Variants in SGCZ observed in about 807,000 individuals in gnomAD.
SGCZ encodes sarcoglycan zeta.
In SGCZ, 40 loss-of-function variants were observed where a neutral mutation model predicts 41.3. That is an observed-to-expected ratio of 0.97 (90% CI 0.75 to 1.26). The LOEUF is 1.26. SGCZ is among the 50% of genes most tolerant of loss of function. The pLI is 0.00. For synonymous variants in SGCZ, 206 were observed against 137.5 expected (o/e 1.50, Z -3.49); for missense variants, 552 against 369.8 (o/e 1.49, Z -4.04).
chr8:14,118,678 G>C (rs902973522), intron 5 of SGCZ, among the ~76,000 whole-genome samples: 1 of 151,978 alleles, frequency 6.6e-6, no homozygotes, highest in Non-Finnish European at 1.5e-5. Context: ...TTTCTTCCAG[G>C]GTTTTTATGG....
chr8:14,137,621 T>G lies in SGCZ; in HGVS notation c.547+26959A>C, dbSNP rs189953344. Among the ~76,000 whole-genome samples the G allele has an allele frequency of 4.5e-4, 68 of 151,770 alleles. 1 individual carries two copies. In the East Asian group the frequency reaches 9.9e-3, roughly 22 times the overall value. ...AAATGACATGAAGTGAGAAGAGAAG[T>G]TTAGAGAAAAAAAGAGTAAAAAGAA... On this transcript the variant is annotated intron_variant, in intron 5 of 7. Coordinates refer to ENST00000382080, the MANE Select transcript of SGCZ (RefSeq NM_139167.4).
intron 1 of SGCZ, among the ~76,000 whole-genome samples, chr8:14,708,357 A>G (rs2117616851): frequency 6.6e-6 from 1 of 152,166 alleles, no homozygotes; most frequent in Non-Finnish European, 1.5e-5. Context: ...AAAATATTTT[A>G]CATAAAGAGA....
In SGCZ at chr8:14,087,522, T is replaced by C. The variant is rs1379252870; in HGVS notation, c.*2921A>G. 6.6e-6 allele frequency among the ~76,000 whole-genome samples: 1 copy of C among 151,588 alleles called. No homozygotes were observed. Among genetic ancestry groups the C allele is most frequent in the Non-Finnish European group, 1.5e-5 (1 of 67,714 alleles). On this transcript the variant is annotated 3_prime_UTR_variant, in exon 8 of 8. Coordinates refer to ENST00000382080, the MANE Select transcript of SGCZ (RefSeq NM_139167.4). ...TACACTGAGTATGAAGTTATTAAGA[T>C]ACGGGTAATAAGATAGCTTAGTCGC...
At chr8:14,593,446 G>C (rs1050460007) in intron 1 of SGCZ, among the ~76,000 whole-genome samples, 2 of 151,372 alleles carry the variant, frequency 1.3e-5, no homozygotes, top group Non-Finnish European at 2.9e-5. Context: ...GAATAGATCT[G>C]TTTTAAGTCA....
chr8:14,683,826 G>T (rs781080380), intron 1 of SGCZ, among the ~76,000 whole-genome samples: 15 of 151,964 alleles, frequency 9.9e-5, no homozygotes, highest in Non-Finnish European at 1.9e-4. Flanking sequence ...TTTCTCATTT[G>T]GAGATTAATT....
At chr8:14,664,286 A>C (rs79935799) in intron 1 of SGCZ, among the ~76,000 whole-genome samples, 5,987 of 152,258 alleles carry the variant, frequency 0.039, 140 homozygotes, top group Non-Finnish European at 0.06. Flanking sequence ...AAGCCTGCTG[A>C]ACTGAGCCAA....
intron 2 of SGCZ, among the ~76,000 whole-genome samples, chr8:14,348,388 G>T (rs539272606): frequency 7.2e-5 from 11 of 152,140 alleles, no homozygotes; most frequent in Admixed American, 4.6e-4. Context: ...GGCTTTTCGA[G>T]CAGTGAGCAA....
intron 2 of SGCZ, among the ~76,000 whole-genome samples, chr8:14,332,162 A>G (rs1225261367): frequency 6.6e-6 from 1 of 152,158 alleles, no homozygotes; most frequent in Non-Finnish European, 1.5e-5. Flanking sequence ...ATGACCGTGC[A>G]CAGTGGCTCA....
chr8:14,966,704 G>A (rs1229942987), intron 1 of SGCZ, among the ~76,000 whole-genome samples: 1 of 152,070 alleles, frequency 6.6e-6, no homozygotes, highest in South Asian at 2.1e-4. Context: ...ATATTAATGT[G>A]CACGCACCTG....
At chr8:14,165,661 A>T (rs1804186012) in intron 4 of SGCZ, among the ~76,000 whole-genome samples, 2 of 152,142 alleles carry the variant, frequency 1.3e-5, no homozygotes, top group African/African-American at 4.8e-5. Flanking sequence ...AAAAGCTCTT[A>T]TCAGATAGAA....
intron 2 of SGCZ, among the ~76,000 whole-genome samples, chr8:14,425,246 T>G (rs1394330488): frequency 6.6e-6 from 1 of 152,160 alleles, no homozygotes; most frequent in Non-Finnish European, 1.5e-5. Flanking sequence ...GCTGAGAGTA[T>G]CATCTTCTGT....
chr8:14,509,703 G>T (rs969911147), intron 2 of SGCZ, among the ~76,000 whole-genome samples: 1 of 152,086 alleles, frequency 6.6e-6, no homozygotes, highest in Non-Finnish European at 1.5e-5. Context: ...CTGCTATAAA[G>T]AAATACCTGA....
chr8:14,348,948 T>C (rs1802991008), intron 2 of SGCZ, among the ~76,000 whole-genome samples: 1 of 152,128 alleles, frequency 6.6e-6, no homozygotes, highest in African/African-American at 2.4e-5. Context: ...ACAAAATTTA[T>C]TTACTGGACT....
At position 14,566,834 on chromosome 8, in the gene SGCZ, G is replaced by C. The variant is rs375677956; in HGVS notation, c.40-11908C>G. On this transcript the variant is annotated intron_variant, in intron 1 of 7. Transcript: ENST00000382080. ...GGGGAGGTGTGGAGGGAGAGGCACA[G>C]GCAGGAACCGGGGCTGCACACGGTG... 8.6e-3 allele frequency among the ~76,000 whole-genome samples: 1,315 copies of C among 152,326 alleles called. 12 individuals carry two copies. The highest frequency in any genetic ancestry group is 0.016 in the Admixed American group (244 of 15,312).
At chr8:14,137,974 C>A (rs1156675029) in intron 5 of SGCZ, among the ~76,000 whole-genome samples, 1 of 152,206 alleles carries the variant, frequency 6.6e-6, no homozygotes, top group African/African-American at 2.4e-5. Context: ...AGACTAACAG[C>A]AGACCTCTCA....
At chr8:15,116,227 G>C (rs925499169) in intron 1 of SGCZ, among the ~76,000 whole-genome samples, 2 of 152,070 alleles carry the variant, frequency 1.3e-5, no homozygotes, top group African/African-American at 4.8e-5. Flanking sequence ...AAATAGGAAT[G>C]TAAAACAATC....
At chr8:14,538,369 T>C (rs1222123333) in intron 2 of SGCZ, among the ~76,000 whole-genome samples, 1 of 151,834 alleles carries the variant, frequency 6.6e-6, no homozygotes, top group African/African-American at 2.4e-5. Flanking sequence ...TACAGTCAAG[T>C]GGGAATGAAT....
chr8:15,039,330 A>T (rs1025978159), intron 1 of SGCZ, among the ~76,000 whole-genome samples: 6 of 152,220 alleles, frequency 3.9e-5, no homozygotes, highest in Admixed American at 6.5e-5. Context: ...AACAACATGG[A>T]TGAACCCAGA....
chr8:14,151,306 T>C lies in SGCZ; in HGVS notation c.547+13274A>G, dbSNP rs7846577. Among the ~76,000 whole-genome samples, 949 of 152,176 alleles carry C rather than the reference T, an allele frequency of 6.2e-3. 9 individuals carry two copies. Among genetic ancestry groups the C allele is most frequent in the African/African-American group, 0.02 (830 of 41,546 alleles). On this transcript the variant is annotated intron_variant, in intron 5 of 7. Transcript: ENST00000382080. ...CCCATAAATATATATGCATACTATA[T>C]GCCAAAGAAATTAAAAATTAAAAAA...
Sources: allele counts gnomAD v4.1 joint callset (sites outside exome capture counted in the v4.1 genomes callset), GRCh38; gene constraint gnomAD v4.1.1; transcripts MANE v1.5; gene names NCBI Gene and HGNC (gene_info 2026-07-23, HGNC 2026-07-21).